The following TSPAN4 variants were observed in gnomAD, a reference collection of about 807,000 sequenced individuals.
TSPAN4 encodes the protein tetraspanin 4, also known as tetraspanin-4.
A neutral mutation model predicts 31.5 loss-of-function variants in TSPAN4; 38 were observed. That is an observed-to-expected ratio of 1.21 (90% confidence interval 0.93 to 1.58). TSPAN4 has a LOEUF of 1.58. TSPAN4 is among the 40% of genes most tolerant of loss of function. The probability of loss-of-function intolerance (pLI) is 0.00; values close to 1 mark genes in which losing one functional copy is unlikely to be tolerated. For missense variants in TSPAN4, 330 were observed against 317.3 expected, an observed-to-expected ratio of 1.04 and a Z score of -0.30; for synonymous variants, 186 against 144.6, an observed-to-expected ratio of 1.29 and a Z score of -2.06.
chr11:850,193 C>A lies in TSPAN4; in HGVS notation c.-17-95C>A, dbSNP rs1482718786. 3 of 1,056,644 alleles carry A rather than the reference C, an allele frequency of 2.8e-6. No homozygotes were observed. In the Admixed American group the frequency reaches 7.2e-5, roughly 26 times the overall value. The allele number at this position is 1,056,644 out of a possible 1,614,324, so 65.5% of individuals were successfully genotyped here. On this transcript the variant is annotated intron_variant, in intron 2 of 8. Coordinates refer to ENST00000397397, the MANE Select transcript of TSPAN4 (RefSeq NM_003271.5). ...GCTCCTTCTTCGGCCTGCACGCGAA[C>A]CCCGGCCCCAAGGCGGCCCAGGCGC... is the stretch of plus-strand genomic sequence containing the variant.
chr11:851,391 G>C (rs1333296043), intron 3 of TSPAN4, among the ~76,000 whole-genome samples: 1 of 152,192 alleles, frequency 6.6e-6, no homozygotes, highest in East Asian at 1.9e-4. Flanking sequence ...TAGGCTCTGG[G>C]CTTCAGAAGG....
chr11:845,418 G>A (rs1471704885), intron 1 of TSPAN4, among the ~76,000 whole-genome samples: 2 of 152,186 alleles, frequency 1.3e-5, no homozygotes, highest in African/African-American at 2.4e-5. Flanking sequence ...GGAGACCGGC[G>A]CTGTGAGCGG....
At chr11:853,280 T>C (rs1039655653) in intron 3 of TSPAN4, among the ~76,000 whole-genome samples, 2 of 152,112 alleles carry the variant, frequency 1.3e-5, no homozygotes, top group Non-Finnish European at 2.9e-5. Context: ...CTCCATGTTC[T>C]CCTCAAAGCC....
intron 4 of TSPAN4, 26 bp downstream of exon 4, chr11:862,767 T>G: frequency 6.3e-7 from 1 of 1,591,930 alleles, no homozygotes; most frequent in South Asian, 1.1e-5. Context: ...CAAGCGATGC[T>G]CCGGGTGGGA....
chr11:856,556 C>G (rs1176689627), intron 3 of TSPAN4, among the ~76,000 whole-genome samples: 1 of 152,126 alleles, frequency 6.6e-6, no homozygotes, highest in African/African-American at 2.4e-5. Context: ...GTCTGGCCTG[C>G]GGCGGGGCAG....
intron 3 of TSPAN4, chr11:857,291 C>T (rs539045359): frequency 2.0e-5 from 3 of 152,332 alleles, no homozygotes; most frequent in African/African-American, 7.2e-5. Flanking sequence ...TCCCTGTGTC[C>T]TTCGACACAT....
chr11:859,006 AT>A (rs1830215711), intron 3 of TSPAN4, among the ~76,000 whole-genome samples: 3 of 91,430 alleles, frequency 3.3e-5, no homozygotes, highest in African/African-American at 4.5e-5. Context: ...GGTCACACGC[AT>A]CCCCGCTCAC....
intron 3 of TSPAN4, among the ~76,000 whole-genome samples, chr11:851,233 G>A (rs1329221926): frequency 6.6e-6 from 1 of 152,210 alleles, no homozygotes; most frequent in African/African-American, 2.4e-5. Context: ...GCAGTTGGGG[G>A]TGGCCGAGGA....
At chr11:866,095 C>T (rs1156339486) in intron 8 of TSPAN4, 94 bp downstream of exon 8, 2 of 1,391,706 alleles carry the variant, frequency 1.4e-6, no homozygotes, top group Non-Finnish European at 2.0e-6. Flanking sequence ...CCCCCAGGAA[C>T]CCACGATCGG....
chr11:850,140 G>T, intron 2 of TSPAN4, 148 bp from the exon 3 acceptor site: 1 of 593,032 alleles, frequency 1.7e-6, no homozygotes, highest in Non-Finnish European at 2.9e-6. Context: ...CAGCCTATAC[G>T]GGCGCGCGGG....
intron 3 of TSPAN4, 127 bp downstream of exon 3, chr11:850,494 C>G: frequency 3.8e-6 from 3 of 790,010 alleles, no homozygotes; most frequent in Admixed American, 4.9e-5. Flanking sequence ...GGGATGGTCC[C>G]GGGAGGACCC....
intron 3 of TSPAN4, among the ~76,000 whole-genome samples, chr11:860,382 T>TGCCA (rs1362286811): frequency 6.6e-6 from 1 of 152,212 alleles, no homozygotes; most frequent in Non-Finnish European, 1.5e-5. Context: ...GCCTCCTGCC[T>TGCCA]GCCAGCCAGC....
intron 3 of TSPAN4, chr11:862,313 G>A (rs752144010): frequency 5.5e-6 from 3 of 545,608 alleles, no homozygotes; most frequent in Non-Finnish European, 9.7e-6. Context: ...GAGCCTCCCC[G>A]ACTGTGGCCA....
chr11:862,676 G>C lies in TSPAN4; in HGVS notation c.190G>C (p.Val64Leu), dbSNP rs777363769. 3.1e-6 allele frequency: 5 copies of C among 1,613,206 alleles called. No individual in the cohort carries two copies. In the East Asian group the frequency reaches 1.1e-4, roughly 36 times the overall value. Residue 64 changes from valine (V) to leucine (L), a missense_variant, in exon 4 of 9, where the codon GTC becomes CTC. Transcript: ENST00000397397. ...ANLLIITGAFVMAIGFVGCLG... is the reference protein window; with the variant it reads ...ANLLIITGAFLMAIGFVGCLG... Reference sequence around the variant, plus strand: ...CTTGCTCATCATCACCGGCGCCTTTGTCATGGCCATCGGCTTCGTGGGCTG... The same window carrying C: ...CTTGCTCATCATCACCGGCGCCTTTCTCATGGCCATCGGCTTCGTGGGCTG...
intron 3 of TSPAN4, among the ~76,000 whole-genome samples, chr11:854,653 C>T (rs908476758): frequency 3.3e-5 from 5 of 152,208 alleles, no homozygotes; most frequent in Admixed American, 1.3e-4. Context: ...GCCTCACTGC[C>T]CACTCTCTGT....
chr11:843,345 G>C (rs1847081432), intron 1 of TSPAN4: 1 of 152,178 alleles, frequency 6.6e-6, no homozygotes, highest in African/African-American at 2.4e-5. Flanking sequence ...GCCCTCCCGG[G>C]TCCCGGCTCT....
chr11:861,284 C>T (rs1347244512), intron 3 of TSPAN4, among the ~76,000 whole-genome samples: 4 of 152,250 alleles, frequency 2.6e-5, no homozygotes, highest in African/African-American at 9.6e-5. Flanking sequence ...GTGGGACCCG[C>T]CTGCTTTGTT....
At chr11:844,892 A>G (rs1847220842) in intron 1 of TSPAN4, among the ~76,000 whole-genome samples, 2 of 152,096 alleles carry the variant, frequency 1.3e-5, no homozygotes, top group African/African-American at 4.8e-5. Context: ...TTGAAGTTTT[A>G]GCTGCTGACC....
At position 862,727 on chromosome 11, in the gene TSPAN4, T is replaced by C. The variant is rs752553083; in HGVS notation, c.241T>C (p.Cys81Arg). 15 of 1,611,844 alleles carry C rather than the reference T, an allele frequency of 9.3e-6. No individual in the cohort carries two copies. The East Asian group carries it at 3.1e-4, about 34-fold the overall frequency. ...GCLGAIKENK[C>R]LLLTFFLLLL... ...CCTGGGTGCCATCAAGGAGAACAAG[T>C]GCCTCCTGCTCACTGTGAGTGCCGG... The change falls in exon 4 of 9, where the codon TGC becomes CGC. Residue 81 changes from cysteine (C) to arginine (R), a missense_variant. Coordinates refer to ENST00000397397, the MANE Select transcript of TSPAN4 (RefSeq NM_003271.5).
Sources: gnomAD v4.1 joint callset for allele counts (sites outside exome capture counted in the v4.1 genomes callset) on GRCh38, gnomAD v4.1.1 for gene constraint, MANE v1.5 for transcripts, NCBI Gene and HGNC (gene_info 2026-07-23, HGNC 2026-07-21) for gene names.